The following C10orf67 variants were observed in gnomAD, a reference collection of about 807,000 sequenced individuals.
C10orf67 encodes the protein uncharacterized protein C10orf67, mitochondrial.
In C10orf67, 60 loss-of-function variants were observed where a neutral mutation model predicts 35.6. The ratio of observed to expected loss-of-function variants is 1.68; its 90% CI spans 1.37 to 2.09. The LOEUF is 2.09. Among genes scored for constraint, C10orf67 ranks in the 30% most tolerant of loss-of-function variants. The pLI, the probability that C10orf67 is intolerant of heterozygous loss-of-function variation, is 0.00. For missense variants in C10orf67, 474 were observed against 330.2 expected (o/e 1.44, Z -3.38); for synonymous variants, 167 against 115.8 (o/e 1.44, Z -2.84).
At chr10:23,301,323 C>A (rs1157222948) in intron 5 of C10orf67, among the ~76,000 whole-genome samples, 2 of 152,120 alleles carry the variant, frequency 1.3e-5, no homozygotes, top group African/African-American at 2.4e-5. Flanking sequence ...ATATCCCCAA[C>A]CCAGAAGTGT....
chr10:23,252,670 T>C (rs1043918187), intron 10 of C10orf67, among the ~76,000 whole-genome samples: 1 of 152,256 alleles, frequency 6.6e-6, no homozygotes, highest in Non-Finnish European at 1.5e-5. Flanking sequence ...AGATGGAGAA[T>C]GATTCTATTC....
chr10:23,282,634 C>T (rs1396370887), intron 7 of C10orf67, among the ~76,000 whole-genome samples: 1 of 152,038 alleles, frequency 6.6e-6, no homozygotes, highest in African/African-American at 2.4e-5. Flanking sequence ...AGTTCAAGAC[C>T]AGCCTGACCC....
chr10:23,343,905 C>T (rs186363245), intron 1 of C10orf67: 4 of 464,542 alleles, frequency 8.6e-6, no homozygotes, highest in Non-Finnish European at 1.8e-5. Context: ...CCGCTGGTCA[C>T]CTGGGGTTGA....
At chr10:23,301,936 G>A (rs756853482) in intron 5 of C10orf67, among the ~76,000 whole-genome samples, 21 of 152,334 alleles carry the variant, frequency 1.4e-4, no homozygotes, top group Non-Finnish European at 2.6e-4. Context: ...GGCAATGGGC[G>A]CCCCGCTGGA....
chr10:23,231,570 A>AT (rs1841915820), intron 13 of C10orf67, among the ~76,000 whole-genome samples: 1 of 152,128 alleles, frequency 6.6e-6, no homozygotes, highest in Non-Finnish European at 1.5e-5. Flanking sequence ...AAGTCAGTGT[A>AT]TTTTTTGTTG....
chr10:23,295,818 C>A (rs1361340723), intron 5 of C10orf67, among the ~76,000 whole-genome samples: 1 of 152,096 alleles, frequency 6.6e-6, no homozygotes, highest in South Asian at 2.1e-4. Flanking sequence ...CTTCCTAGTC[C>A]AAGATATATA....
chr10:23,338,689 G>A (rs1003831042), intron 1 of C10orf67, among the ~76,000 whole-genome samples: 3 of 151,952 alleles, frequency 2.0e-5, no homozygotes, highest in Non-Finnish European at 2.9e-5. Context: ...GAAGTGGCTC[G>A]CCTAATAGGT....
chr10:23,256,329 G>A (rs180784640), intron 10 of C10orf67, among the ~76,000 whole-genome samples: 26 of 152,186 alleles, frequency 1.7e-4, no homozygotes, highest in Admixed American at 1.5e-3. Context: ...TTAAAAAATT[G>A]AGACTCCTGG....
chr10:23,308,280 T>C (rs765226722), intron 4 of C10orf67, among the ~76,000 whole-genome samples: 1 of 152,210 alleles, frequency 6.6e-6, no homozygotes, highest in Non-Finnish European at 1.5e-5. Context: ...CTGGATATTG[T>C]AAAAGCTTCT....
At chr10:23,335,059 G>GC (rs1845623040) in intron 1 of C10orf67, among the ~76,000 whole-genome samples, 3 of 151,998 alleles carry the variant, frequency 2.0e-5, no homozygotes, top group African/African-American at 7.2e-5. Flanking sequence ...GTGGTGGCAC[G>GC]TGCCTGTAAT....
At chr10:23,289,441 G>T (rs1340602127) in intron 7 of C10orf67, among the ~76,000 whole-genome samples, 1 of 152,122 alleles carries the variant, frequency 6.6e-6, no homozygotes, top group Non-Finnish European at 1.5e-5. Flanking sequence ...TAGGATTACA[G>T]GTGTGAACCA....
At chr10:23,202,007 A>C (rs753659201), downstream of C10orf67, 8 of 152,122 alleles carry the variant, frequency 5.3e-5, no homozygotes, top group Non-Finnish European at 1.0e-4. Flanking sequence ...AATGTTCTGG[A>C]CCAATGTGAT....
At chr10:23,242,619 G>C (rs1842213363) in intron 12 of C10orf67, among the ~76,000 whole-genome samples, 1 of 152,062 alleles carries the variant, frequency 6.6e-6, no homozygotes, top group Non-Finnish European at 1.5e-5. Context: ...TAAAATGTAG[G>C]AGAGAATTAA....
At position 23,282,079 on chromosome 10, in the gene C10orf67, CT is replaced by C; in HGVS notation, c.910-2del. 1.8e-6 allele frequency: 1 copy of C among 556,802 alleles called. No individual in the cohort carries two copies. The highest frequency in any genetic ancestry group is 2.7e-5 in the South Asian group (1 of 36,458). 34.5% of individuals were successfully genotyped at this position (556,802 alleles called of 1,614,324 possible). ...TTAATCTGTCTCTACTATCCATTAA[CT>C]GAAATAGAGAAGAAATTATATTTTT... On this transcript the variant is annotated splice_acceptor_variant, in intron 7 of 15. Transcript: ENST00000636213. LOFTEE classifies it high-confidence loss of function.
chr10:23,292,677 G>C (rs1367469473), intron 5 of C10orf67, among the ~76,000 whole-genome samples: 1 of 152,070 alleles, frequency 6.6e-6, no homozygotes, highest in African/African-American at 2.4e-5. Flanking sequence ...ACATTAATAA[G>C]TCCTTTAAAA....
At chr10:23,252,357 T>G (rs928291884) in intron 10 of C10orf67, among the ~76,000 whole-genome samples, 1 of 152,208 alleles carries the variant, frequency 6.6e-6, no homozygotes, top group Non-Finnish European at 1.5e-5. Context: ...TGGAAAAAAG[T>G]TTCTGTTGAA....
rs1845664762 is a variant in C10orf67, at chr10:23,335,981, G to A, written c.207-2799C>T. ...TGCCTTCCATTCTCTTCCCTTCTCA[G>A]GGTGAAGGAATCAACATAGTGGTCA... On this transcript the variant is annotated intron_variant, in intron 1 of 15. Coordinates refer to ENST00000636213, the MANE Select transcript of C10orf67 (RefSeq NM_001371909.1). Among the ~76,000 whole-genome samples, 3 of 152,062 alleles carry A rather than the reference G, an allele frequency of 2.0e-5. No individual in the cohort carries two copies. In the South Asian group the frequency reaches 6.2e-4, roughly 32 times the overall value.
Position 23,254,928 on chromosome 10 carries a change from C to T in C10orf67, c.1201-4237G>A, listed in dbSNP as rs566049289. Among the ~76,000 whole-genome samples the T allele has an allele frequency of 1.2e-3, 181 of 152,194 alleles. 1 individual carries two copies. The highest frequency in any genetic ancestry group is 4.1e-3 in the African/African-American group (172 of 41,512). ...TTTACCTCTATACCCTTTAAATCGT[C>T]GAATATATTTATATTACCATTAAAG... On this transcript the variant is annotated intron_variant, in intron 10 of 15. Coordinates refer to ENST00000636213, the MANE Select transcript of C10orf67 (RefSeq NM_001371909.1).
At position 23,250,454 on chromosome 10, in the gene C10orf67, C is replaced by G; in HGVS notation, c.1346+1G>C. ...TAGAATTTGTATATTTCACACCATA[C>G]CTGTTCCTGAGAATAAAGAATCTCT... On this transcript the variant is annotated splice_donor_variant, in intron 12 of 15. Transcript: ENST00000636213. LOFTEE classifies it high-confidence loss of function. The G allele has an allele frequency of 1.5e-5, 6 of 398,472 alleles. No individual in the cohort carries two copies. Among genetic ancestry groups the G allele is most frequent in the East Asian group, 3.6e-5 (1 of 27,948 alleles). 24.7% of individuals were successfully genotyped at this position (398,472 alleles called of 1,614,324 possible).
Sources: allele counts gnomAD v4.1 joint callset (sites outside exome capture counted in the v4.1 genomes callset), GRCh38; gene constraint gnomAD v4.1.1; transcripts MANE v1.5; gene names NCBI Gene and HGNC (gene_info 2026-07-23, HGNC 2026-07-21).